DELE1: variants seen among roughly 807,000 people sequenced by gnomAD.
The protein encoded by DELE1 is DAP3 binding cell death enhancer 1, also known as death ligand signal enhancer.
Under a neutral mutation model 59.3 loss-of-function variants are expected in DELE1, and 54 were observed. That is an observed-to-expected ratio of 0.91 (90% confidence interval 0.73 to 1.14). DELE1 has a LOEUF of 1.14. DELE1 is among the 50% of genes most tolerant of loss of function. DELE1 has a pLI of 0.00. For missense variants in DELE1, 636 were observed against 643.9 expected, an observed-to-expected ratio of 0.99 and a Z score of 0.13; for synonymous variants, 264 against 259.1, an observed-to-expected ratio of 1.02 and a Z score of -0.18.
intron 11 of DELE1, among the ~76,000 whole-genome samples, chr5:141,938,188 C>T (rs959110673): frequency 1.3e-5 from 2 of 152,126 alleles, no homozygotes; most frequent in Non-Finnish European, 2.9e-5. Flanking sequence ...GCCTCAGTTT[C>T]TTCACCTCTG....
Position 141,934,270 on chromosome 5 carries a change from C to A in DELE1, c.928C>A (p.Gln310Lys), listed in dbSNP as rs1274197251. 2.5e-6 allele frequency: 4 copies of A among 1,612,506 alleles called. No individual in the cohort carries two copies. The South Asian group carries it at 4.4e-5, about 18-fold the overall frequency. The change falls in exon 9 of 12, where the codon CAG becomes AAG. Residue 310 changes from glutamine to lysine, a missense_variant. Physicochemically the swap from Gln to Lys is moderately conservative, Grantham distance 53. Coordinates refer to ENST00000432126, the MANE Select transcript of DELE1 (RefSeq NM_014773.5). ...CCTTTATTATCAGTTGGCTGCCAGC[C>A]AGGGCCACAGCCTGGCTCAGTACCG... ...AVLYYQLAAS[Q>K]GHSLAQYRYA...
Position 141,941,974 on chromosome 5 carries a change from C to T in DELE1, c.*3215C>T. 5 of 982,314 alleles carry T rather than the reference C, an allele frequency of 5.1e-6. No homozygotes were observed. The highest frequency in any genetic ancestry group is 6.0e-6 in the Non-Finnish European group (5 of 827,362). 60.8% of individuals were successfully genotyped at this position (982,314 alleles called of 1,614,324 possible). A position where few individuals can be genotyped will look rare whatever the true frequency, so the allele number is the denominator to read the frequency against. On this transcript the variant is annotated 3_prime_UTR_variant, in exon 12 of 12. Coordinates refer to ENST00000432126, the MANE Select transcript of DELE1 (RefSeq NM_014773.5). ...CCGCCTATACACACGCACACACGCA[C>T]ACACACACACACGGTTTCCTGTGCT... is the stretch of plus-strand genomic sequence containing the variant.
At position 141,941,987 on chromosome 5, in the gene DELE1, G is replaced by A. The variant is rs1017030919; in HGVS notation, c.*3228G>A. The A allele has an allele frequency of 8.1e-6, 8 of 984,574 alleles. No homozygotes were observed. In the South Asian group the frequency reaches 1.4e-4, roughly 17 times the overall value. 61.0% of individuals were successfully genotyped at this position (984,574 alleles called of 1,614,324 possible). On this transcript the variant is annotated 3_prime_UTR_variant, in exon 12 of 12. Transcript: ENST00000432126. ...CGCACACACGCACACACACACACAC[G>A]GTTTCCTGTGCTACTTCTGGCACTT...
In DELE1 at chr5:141,941,892, T is replaced by G. The variant is rs566102148; in HGVS notation, c.*3133T>G. 5.1e-6 allele frequency: 5 copies of G among 985,242 alleles called. No individual in the cohort carries two copies. Among genetic ancestry groups the G allele is most frequent in the Non-Finnish European group, 6.0e-6 (5 of 829,926 alleles). 61.0% of individuals were successfully genotyped at this position (985,242 alleles called of 1,614,324 possible). A position where few individuals can be genotyped will look rare whatever the true frequency, so the allele number is the denominator to read the frequency against. ...AGCACATAGTAGGTACTTTAAGTAA[T>G]TTGAATGAATAATTTTAAATAACTT... On this transcript the variant is annotated 3_prime_UTR_variant, in exon 12 of 12. Coordinates refer to ENST00000432126, the MANE Select transcript of DELE1 (RefSeq NM_014773.5).
rs3833448 is a variant in DELE1 at position 141,938,921 on chromosome 5, T to TC, written c.*168dup. ...ACATGGCTGGTAAGTGACTGATCTT[T>TC]CCCCCCGCTTGGTAGCCTCACAGAT... On this transcript the variant is annotated 3_prime_UTR_variant, in exon 12 of 12. Transcript: ENST00000432126. The TC allele has an allele frequency of 1.7e-5, 24 of 1,432,734 alleles. No homozygotes were observed. Among genetic ancestry groups the TC allele is most frequent in the East Asian group, 1.0e-4 (4 of 39,942 alleles). 88.8% of individuals were successfully genotyped at this position (1,432,734 alleles called of 1,614,324 possible). A position where few individuals can be genotyped will look rare whatever the true frequency, so the allele number is the denominator to read the frequency against.
At chr5:141,937,921 T>C (rs1426931529) in intron 11 of DELE1, among the ~76,000 whole-genome samples, 3 of 148,668 alleles carry the variant, frequency 2.0e-5, no homozygotes, top group African/African-American at 7.5e-5. Context: ...GCCTCCCGGG[T>C]TCAAGCGATT....
At position 141,938,715 on chromosome 5, in the gene DELE1, C is replaced by G. The variant is rs751078191; in HGVS notation, c.1504C>G (p.Pro502Ala). 6.2e-7 allele frequency: 1 copy of G among 1,614,072 alleles called. No homozygotes were observed. The highest frequency in any genetic ancestry group is 8.5e-7 in the Non-Finnish European group (1 of 1,180,006). Residue 502 changes from proline to alanine, a missense_variant, in exon 12 of 12, where the codon CCC (proline) becomes GCC (alanine). By Grantham distance (27) the Pro-to-Ala change is conservative. Coordinates refer to ENST00000432126, the MANE Select transcript of DELE1 (RefSeq NM_014773.5). ...CTCCAGCAGGGCTATTCCCCCACAC[C>G]CCTACCCACTGGAAAGGAGTGTTGT... ...EASSRAIPPH[P>A]YPLERSVVRL...
Position 141,929,633 on chromosome 5 carries a change from C to G in DELE1, c.464C>G (p.Thr155Ser), listed in dbSNP as rs1751728121. ...PSPDGPAPRH[T>S]GLREPRLGQE... ...CCCGATGGCCCAGCTCCCAGGCACA[C>G]TGGCCTCAGGGAACCCAGGCTTGGC... Residue 155 changes from threonine to serine, a missense_variant, in exon 5 of 12, where the codon ACT (threonine) becomes AGT (serine). By Grantham distance (58) the Thr-to-Ser change is moderately conservative. Transcript: ENST00000432126. 6.2e-7 allele frequency: 1 copy of G among 1,614,208 alleles called. No homozygotes were observed. The highest frequency in any genetic ancestry group is 1.3e-5 in the African/African-American group (1 of 75,064).
Position 141,925,394 on chromosome 5 carries a change from T to A in DELE1, c.147-16T>A. 2.0e-6 allele frequency: 3 copies of A among 1,537,724 alleles called. No homozygotes were observed. The highest frequency in any genetic ancestry group is 2.6e-6 in the Non-Finnish European group (3 of 1,136,010). ...CCCTTTGCCCCTACTTGATAGCCTC[T>A]TATTTCATCATCTAGGTCAGGTCCC... is the stretch of plus-strand genomic sequence containing the variant. On this transcript the variant is annotated splice_polypyrimidine_tract_variant and intron_variant, in intron 2 of 11. Transcript: ENST00000432126.
chr5:141,929,764 A>T (rs776581221), intron 5 of DELE1, 24 bp downstream of exon 5: 2 of 1,612,794 alleles, frequency 1.2e-6, no homozygotes, highest in Non-Finnish European at 1.7e-6. Context: ...TCATGGAATC[A>T]GCAGAAGGCA....
chr5:141,939,739 G>A lies in DELE1; in HGVS notation c.*980G>A, dbSNP rs1465118371. 3 of 974,324 alleles carry A rather than the reference G, an allele frequency of 3.1e-6. No homozygotes were observed. Among genetic ancestry groups the A allele is most frequent in the African/African-American group, 3.5e-5 (2 of 56,852 alleles). The allele number at this position is 974,324 out of a possible 1,614,324, so 60.4% of individuals were successfully genotyped here. The stretch of plus-strand genomic sequence containing the variant: ...CTGGCTCTGCCACTTGCCTGGCCAT[G>A]TCACCTTGAAGCTGTGACCTGACTC... On this transcript the variant is annotated 3_prime_UTR_variant, in exon 12 of 12. Transcript: ENST00000432126.
rs1270045016 is a variant in DELE1 at position 141,939,733 on chromosome 5, G to A, written c.*974G>A. 1 of 978,914 alleles carries A rather than the reference G, an allele frequency of 1.0e-6. No individual in the cohort carries two copies. The highest frequency in any genetic ancestry group is 1.8e-5 in the African/African-American group (1 of 56,992). 60.6% of individuals were successfully genotyped at this position (978,914 alleles called of 1,614,324 possible). ...CCAGGTCTGGCTCTGCCACTTGCCT[G>A]GCCATGTCACCTTGAAGCTGTGACC... is the stretch of plus-strand genomic sequence containing the variant. On this transcript the variant is annotated 3_prime_UTR_variant, in exon 12 of 12. Transcript: ENST00000432126.
intron 7 of DELE1, among the ~76,000 whole-genome samples, chr5:141,931,504 C>T (rs1751906069): frequency 6.6e-6 from 1 of 152,102 alleles, no homozygotes; most frequent in Admixed American, 6.6e-5. Context: ...GCCATGTAGA[C>T]AGACATGGAT....
Position 141,938,956 on chromosome 5 carries a change from A to T in DELE1, c.*197A>T. The stretch of plus-strand genomic sequence containing the variant: ...TGGTAGCCTCACAGATGAGTCTTGG[A>T]TGCATTCACAGTCATTTCTGGTCTG... On this transcript the variant is annotated 3_prime_UTR_variant, in exon 12 of 12. Transcript: ENST00000432126. 2.8e-6 allele frequency: 4 copies of T among 1,412,724 alleles called. No individual in the cohort carries two copies. The highest frequency in any genetic ancestry group is 3.7e-6 in the Non-Finnish European group (4 of 1,086,556). 87.5% of individuals were successfully genotyped at this position (1,412,724 alleles called of 1,614,324 possible). A position where few individuals can be genotyped will look rare whatever the true frequency, so the allele number is the denominator to read the frequency against.
At chr5:141,924,356 T>TG (rs375714432) in intron 1 of DELE1, among the ~76,000 whole-genome samples, 6 of 152,304 alleles carry the variant, frequency 3.9e-5, no homozygotes, top group African/African-American at 1.4e-4. Flanking sequence ...CTTAGAACAG[T>TG]GGTTGGCATC....
At chr5:141,933,163 G>C (rs1752072969) in intron 7 of DELE1, 96 bp from the exon 8 acceptor site, 1 of 728,204 alleles carries the variant, frequency 1.4e-6, no homozygotes, top group Non-Finnish European at 2.0e-6. Context: ...AAAAAAGAAA[G>C]GGAGGAGGAT....
intron 3 of DELE1, among the ~76,000 whole-genome samples, chr5:141,926,148 G>T (rs1444063810): frequency 6.6e-6 from 1 of 152,158 alleles, no homozygotes; most frequent in East Asian, 1.9e-4. Flanking sequence ...AAAGTGCTGG[G>T]ATTACAGCTG....
intron 11 of DELE1, among the ~76,000 whole-genome samples, chr5:141,938,073 G>T (rs1471102702): frequency 1.3e-5 from 2 of 151,806 alleles, no homozygotes; most frequent in Non-Finnish European, 2.9e-5. Context: ...CGATCCACCC[G>T]CCTCGGCCTC....
At position 141,929,592 on chromosome 5, in the gene DELE1, A is replaced by G. The variant is rs1385946982; in HGVS notation, c.423A>G (p.Gln141=). Residue 141 remains glutamine (Q), a synonymous_variant, in exon 5 of 12, where the codon CAA becomes CAG. Coordinates refer to ENST00000432126, the MANE Select transcript of DELE1 (RefSeq NM_014773.5). The stretch of plus-strand genomic sequence containing the variant: ...GCTGGCTCTTTCCAGCACTGCGACA[A>G]CACATCCTCCCCAGCCCCGATGGCC... The part of the protein sequence containing the change: ...PLWHPCSSLR[Q]HILPSPDGPA... The G allele has an allele frequency of 3.1e-6, 5 of 1,613,652 alleles. No individual in the cohort carries two copies. The highest frequency in any genetic ancestry group is 2.7e-5 in the African/African-American group (2 of 75,018).
Sources: allele counts gnomAD v4.1 joint callset (sites outside exome capture counted in the v4.1 genomes callset), GRCh38; gene constraint gnomAD v4.1.1; transcripts MANE v1.5; gene names NCBI Gene and HGNC (gene_info 2026-07-23, HGNC 2026-07-21).